Variants in GLT8D2 observed in about 807,000 individuals in gnomAD.
GLT8D2 encodes the protein glycosyltransferase 8 domain containing 2.
Under a neutral mutation model 44.5 loss-of-function variants are expected in GLT8D2, and 45 were observed. That is an observed-to-expected ratio of 1.01 (90% CI 0.80 to 1.30). The LOEUF (loss-of-function observed/expected upper bound fraction) is 1.30, where lower values mean the gene tolerates loss of function less well. Among genes scored for constraint, GLT8D2 ranks in the 50% most tolerant of loss-of-function variants. The pLI is 0.00. For synonymous variants in GLT8D2, 156 were observed against 157.2 expected (o/e 0.99, Z 0.06); for missense variants, 400 against 430.4 (o/e 0.93, Z 0.62).
chr12:104,023,164 G>A (rs1390716806), intron 1 of GLT8D2, among the ~76,000 whole-genome samples: 6 of 152,164 alleles, frequency 3.9e-5, no homozygotes, highest in Non-Finnish European at 7.3e-5. Flanking sequence ...AGAGCATCAG[G>A]ATAAATAGCT....
At chr12:104,003,644 T>G (rs1023709751) in intron 4 of GLT8D2, among the ~76,000 whole-genome samples, 1 of 152,112 alleles carries the variant, frequency 6.6e-6, no homozygotes, top group African/African-American at 2.4e-5. Flanking sequence ...TCCCATTAGC[T>G]GGACTGTTGA....
chr12:103,997,764 C>A (rs183920682), intron 6 of GLT8D2, among the ~76,000 whole-genome samples: 1 of 152,174 alleles, frequency 6.6e-6, no homozygotes, highest in South Asian at 2.1e-4. Context: ...TAGATACAAA[C>A]CCCCTAGTGC....
chr12:104,028,956 T>C (rs1209277800), intron 1 of GLT8D2, among the ~76,000 whole-genome samples: 1 of 149,880 alleles, frequency 6.7e-6, no homozygotes, highest in Non-Finnish European at 1.5e-5. Flanking sequence ...AAAAACCACG[T>C]TGGGAACTCT....
Position 103,994,469 on chromosome 12 carries a change from C to A in GLT8D2, c.633G>T (p.Lys211Asn), listed in dbSNP as rs201963804. Residue 211 changes from lysine (K) to asparagine (N), a missense_variant, in exon 9 of 11, where the codon AAG becomes AAT. By Grantham distance (94) the Lys-to-Asn change is moderately conservative (BLOSUM62 0). Coordinates refer to ENST00000360814, the MANE Select transcript of GLT8D2 (RefSeq NM_001384711.1). ...TGATGCCAAGGTCCTTGATGGCCTT[C>A]TTCCGGTAGTCCAGATAGCCCATAT... ...NTYMGYLDYR[K>N]KAIKDLGISP... The A allele has an allele frequency of 6.2e-7, 1 of 1,614,066 alleles. No homozygotes were observed. The highest frequency in any genetic ancestry group is 1.7e-5 in the Admixed American group (1 of 60,016).
intron 6 of GLT8D2, 49 bp downstream of exon 6, chr12:103,999,348 A>G: frequency 9.7e-7 from 1 of 1,028,648 alleles, no homozygotes. Context: ...TTTACTGAAC[A>G]AAGGTCTCAC....
At chr12:104,037,680 G>C (rs1004797914) in intron 1 of GLT8D2, among the ~76,000 whole-genome samples, 1 of 152,088 alleles carries the variant, frequency 6.6e-6, no homozygotes, top group Admixed American at 6.6e-5. Flanking sequence ...AAATGTCCAG[G>C]ACCAGATGGA....
intron 10 of GLT8D2, among the ~76,000 whole-genome samples, chr12:103,992,653 C>T (rs558776333): frequency 6.6e-6 from 1 of 152,136 alleles, no homozygotes; most frequent in South Asian, 2.1e-4. Flanking sequence ...CCCCCATGCC[C>T]AGCGAATTTT....
At chr12:104,038,293 A>G (rs1343522833) in intron 1 of GLT8D2, among the ~76,000 whole-genome samples, 1 of 152,214 alleles carries the variant, frequency 6.6e-6, no homozygotes, top group East Asian at 1.9e-4. Flanking sequence ...AGTTCTGGCC[A>G]GGGCAATCAG....
At chr12:104,019,052 G>A (rs915127032) in intron 3 of GLT8D2, among the ~76,000 whole-genome samples, 3 of 150,300 alleles carry the variant, frequency 2.0e-5, no homozygotes, top group African/African-American at 7.3e-5. Flanking sequence ...ACGAGAAAAT[G>A]CATTATTTTT....
In GLT8D2 at chr12:104,020,649, C is replaced by T. The variant is rs187815929; in HGVS notation, c.-29+708G>A. ...AAGGAGATGTTGGGATAAAGACGAA[C>T]AAGGGTAGGGAGTGCATCAGGAGGA... On this transcript the variant is annotated intron_variant, in intron 2 of 10. Transcript: ENST00000360814. 5.3e-5 allele frequency among the ~76,000 whole-genome samples: 8 copies of T among 152,194 alleles called. No individual in the cohort carries two copies. In the East Asian group the frequency reaches 9.6e-4, roughly 18 times the overall value.
At chr12:104,063,393 T>C (rs780698058) in intron 1 of GLT8D2, among the ~76,000 whole-genome samples, 1 of 152,138 alleles carries the variant, frequency 6.6e-6, no homozygotes, top group African/African-American at 2.4e-5. Flanking sequence ...TATTAAGTGT[T>C]GCATTGGCTG....
intron 10 of GLT8D2, 100 bp downstream of exon 10, chr12:103,993,292 T>C (rs1026931625): frequency 4.5e-6 from 4 of 890,950 alleles, no homozygotes; most frequent in Non-Finnish European, 5.5e-6. Context: ...GATCACGCCA[T>C]TGCACTCCAG....
intron 1 of GLT8D2, among the ~76,000 whole-genome samples, chr12:104,041,374 A>G (rs564782918): frequency 5.3e-5 from 8 of 152,328 alleles, no homozygotes; most frequent in African/African-American, 1.9e-4. Flanking sequence ...AGATCGCACC[A>G]TTGCACTCCA....
rs1433662965 is a variant in GLT8D2, at chr12:104,003,193, T to C, written c.226A>G (p.Thr76Ala). 2 of 1,614,030 alleles carry C rather than the reference T, an allele frequency of 1.2e-6. No individual in the cohort carries two copies. The highest frequency in any genetic ancestry group is 1.3e-5 in the African/African-American group (1 of 74,928). ...ACATAGAACAAGATGTTGGCGTCAGTGTTGCTGTAGATGCTATTGATGGCA... is the reference window on the plus strand; with the variant it reads ...ACATAGAACAAGATGTTGGCGTCAGCGTTGCTGTAGATGCTATTGATGGCA... ...MAAINSIYSN[T>A]DANILFYVVG... The change falls in exon 5 of 11, where the codon ACT becomes GCT. Residue 76 changes from threonine to alanine, a missense_variant. By Grantham distance (58) the Thr-to-Ala change is moderately conservative (BLOSUM62 0). Coordinates refer to ENST00000360814, the MANE Select transcript of GLT8D2 (RefSeq NM_001384711.1).
intron 1 of GLT8D2, among the ~76,000 whole-genome samples, chr12:104,039,324 A>C (rs1880283629): frequency 6.6e-6 from 1 of 152,268 alleles, no homozygotes; most frequent in Admixed American, 6.5e-5. Flanking sequence ...GAGCTTCTGC[A>C]CAGCAAAAGA....
intron 1 of GLT8D2, among the ~76,000 whole-genome samples, chr12:104,046,374 T>A (rs1044474004): frequency 1.3e-5 from 2 of 152,234 alleles, no homozygotes; most frequent in African/African-American, 4.8e-5. Context: ...ATTATTCCAA[T>A]ACACAGGTGA....
At chr12:104,018,336 T>G (rs1877155332) in intron 3 of GLT8D2, among the ~76,000 whole-genome samples, 1 of 152,176 alleles carries the variant, frequency 6.6e-6, no homozygotes, top group Non-Finnish European at 1.5e-5. Context: ...ATGCATCTAT[T>G]TTTTGGCCTC....
chr12:103,995,452 A>T (rs1215369155), intron 8 of GLT8D2, among the ~76,000 whole-genome samples: 2 of 151,974 alleles, frequency 1.3e-5, no homozygotes, highest in Non-Finnish European at 2.9e-5. Context: ...CCCTCTAACC[A>T]TCTGCACAGG....
At chr12:103,998,397 C>T (rs915902589) in intron 6 of GLT8D2, among the ~76,000 whole-genome samples, 2 of 151,704 alleles carry the variant, frequency 1.3e-5, no homozygotes, top group Admixed American at 6.6e-5. Flanking sequence ...TGCCACCATG[C>T]CTAGCTAATT....
Sources: allele counts gnomAD v4.1 joint callset (sites outside exome capture counted in the v4.1 genomes callset), GRCh38; gene constraint gnomAD v4.1.1; transcripts MANE v1.5; gene names NCBI Gene and HGNC (gene_info 2026-07-23, HGNC 2026-07-21).